Variants in COL18A1 observed in about 807,000 individuals in gnomAD.
COL18A1 encodes the protein collagen alpha-1(XVIII) chain.
Under a neutral mutation model 168.0 loss-of-function variants are expected in COL18A1, and 133 were observed. That is an observed-to-expected ratio of 0.79 (90% CI 0.69 to 0.91). The LOEUF (loss-of-function observed/expected upper bound fraction) is 0.91, where lower values mean the gene tolerates loss of function less well. Ranked by LOEUF, COL18A1 falls within the 40% of genes least tolerant of loss-of-function variation. The pLI is 0.00. For synonymous variants in COL18A1, 949 were observed against 809.0 expected (o/e 1.17, Z -2.94); for missense variants, 2,126 against 1,925.4 (o/e 1.10, Z -1.95).
intron 15 of COL18A1, among the ~76,000 whole-genome samples, chr21:45,485,709 G>A (rs1387531473): frequency 6.6e-6 from 1 of 152,214 alleles, no homozygotes; most frequent in Non-Finnish European, 1.5e-5. Flanking sequence ...ACAGGAGGCA[G>A]TCGAGGATCA....
intron 15 of COL18A1, among the ~76,000 whole-genome samples, chr21:45,486,045 G>A (rs559358555): frequency 1.3e-5 from 2 of 152,324 alleles, no homozygotes; most frequent in Admixed American, 6.5e-5. Flanking sequence ...CCTGCCTCAG[G>A]GCCTCCCTCC....
rs932121225 is a variant in COL18A1 at position 45,473,289 on chromosome 21, G to A, written c.652-606G>A. 2.0e-5 allele frequency among the ~76,000 whole-genome samples: 3 copies of A among 152,258 alleles called. No homozygotes were observed. Among genetic ancestry groups the A allele is most frequent in the African/African-American group, 7.2e-5 (3 of 41,478 alleles). ...TGGCACTCAGCCCAGGACTGAAGAT[G>A]CCAGAGGGAGCGGTGGGTAGGTGGG... On this transcript the variant is annotated intron_variant, in intron 3 of 41. Transcript: ENST00000651438. This position sits in a 1 kb window ranked among gnomAD's most constrained non-coding sequence, Gnocchi z 4.0.
At chr21:45,430,224 C>T (rs2033919593) in intron 2 of COL18A1, among the ~76,000 whole-genome samples, 2 of 149,292 alleles carry the variant, frequency 1.3e-5, no homozygotes, top group Admixed American at 6.8e-5. Flanking sequence ...CTCGCCCTCT[C>T]CTGTATGTGA....
intron 29 of COL18A1, chr21:45,496,109 T>TGCCCTCCAA (rs1169790347): frequency 1.3e-5 from 5 of 387,712 alleles, no homozygotes; most frequent in Admixed American, 7.1e-5. Context: ...ATGCCCTCCA[T>TGCCCTCCAA]GCCCTCCAAG....
intron 37 of COL18A1, chr21:45,507,084 G>A (rs1235645828): frequency 1.4e-5 from 5 of 352,240 alleles, no homozygotes; most frequent in East Asian, 5.9e-5. Flanking sequence ...GTGCTGGGCA[G>A]GGAGGGCAAC....
chr21:45,481,027 G>T (rs1383195209), intron 13 of COL18A1, among the ~76,000 whole-genome samples, 169 bp downstream of exon 13: 1 of 152,224 alleles, frequency 6.6e-6, no homozygotes, highest in East Asian at 1.9e-4. Flanking sequence ...CCACCCTGGG[G>T]TGTGCGGAAG....
intron 2 of COL18A1, among the ~76,000 whole-genome samples, chr21:45,416,913 C>G (rs1035932596): frequency 5.3e-5 from 8 of 152,168 alleles, no homozygotes; most frequent in Non-Finnish European, 1.0e-4. Flanking sequence ...TGGTCTTGCT[C>G]TCGAGAGAGT....
chr21:45,491,166 CTG>C, intron 21 of COL18A1, 57 bp from the exon 22 acceptor site: 1 of 1,450,756 alleles, frequency 6.9e-7, no homozygotes, highest in African/African-American at 1.4e-5. Flanking sequence ...TGGGTGGACT[CTG>C]GGGTCCTGGC....
rs149009425 is a variant in COL18A1 at position 45,421,909 on chromosome 21, G to A, written c.106+16436G>A. On this transcript the variant is annotated intron_variant, in intron 2 of 41. Coordinates refer to ENST00000651438, the MANE Select transcript of COL18A1 (RefSeq NM_001379500.1). ...TGACTGTGACCTGTGTCATATGTGC[G>A]GCCTCTCAGCTTGCAACCCTCCATT... Among the ~76,000 whole-genome samples the A allele has an allele frequency of 1.6e-4, 25 of 152,204 alleles. No homozygotes were observed. In the East Asian group the frequency reaches 4.1e-3, roughly 25 times the overall value.
chr21:45,444,596 G>A (rs1431351462), intron 2 of COL18A1, among the ~76,000 whole-genome samples: 1 of 152,148 alleles, frequency 6.6e-6, no homozygotes, highest in Non-Finnish European at 1.5e-5. Flanking sequence ...AGCACCGGGG[G>A]CCAGCACGAG....
intron 2 of COL18A1, among the ~76,000 whole-genome samples, chr21:45,416,746 C>T (rs2033459532): frequency 6.6e-6 from 1 of 152,186 alleles, no homozygotes; most frequent in Non-Finnish European, 1.5e-5. Flanking sequence ...GGTGCAGCCT[C>T]TACTCTCCCA....
At position 45,480,148 on chromosome 21, in the gene COL18A1, G is replaced by T; in HGVS notation, c.1390G>T (p.Asp464Tyr). 6.4e-7 allele frequency: 1 copy of T among 1,573,780 alleles called. No homozygotes were observed. Among genetic ancestry groups the T allele is most frequent in the Non-Finnish European group, 8.7e-7 (1 of 1,144,940 alleles). The change falls in exon 11 of 42, where the codon GAC becomes TAC. Residue 464 changes from aspartate to tyrosine, a missense_variant. Coordinates refer to ENST00000651438, the MANE Select transcript of COL18A1 (RefSeq NM_001379500.1). ...PGPPGPSFRH[D>Y]KLTFIDMEGS... is the part of the protein sequence containing the mutation. Reference sequence around the variant, plus strand: ...GCCCCCAGGACCCTCCTTCAGACACGACAAGCTGGTAAGTCCCGCCCTTGG... The same window carrying T: ...GCCCCCAGGACCCTCCTTCAGACACTACAAGCTGGTAAGTCCCGCCCTTGG...
chr21:45,491,001 A>G lies in COL18A1; in HGVS notation c.2067+130A>G, dbSNP rs2036321980. 3.1e-6 allele frequency: 3 copies of G among 966,074 alleles called. No homozygotes were observed. The East Asian group carries it at 7.9e-5, about 25-fold the overall frequency. 59.8% of individuals were successfully genotyped at this position (966,074 alleles called of 1,614,324 possible). A position where few individuals can be genotyped will look rare whatever the true frequency, so the allele number is the denominator to read the frequency against. On this transcript the variant is annotated intron_variant, in intron 21 of 41. Transcript: ENST00000651438. ...TCAGAGACTCAGGGCAAAGACCCTC[A>G]AGTTGACAGGGGTGGCTTTCAGGCT... is the stretch of plus-strand genomic sequence containing the variant.
chr21:45,482,709 C>T (rs1227475743), intron 14 of COL18A1, 86 bp from the exon 15 acceptor site: 7 of 1,604,352 alleles, frequency 4.4e-6, no homozygotes, highest in Non-Finnish European at 6.0e-6. Context: ...CGGGTCGGGG[C>T]ACAGTTCCTG....
In COL18A1 at chr21:45,478,367, T is replaced by G. The variant is rs761088476; in HGVS notation, c.1248+14T>G. The G allele has an allele frequency of 6.2e-7, 1 of 1,614,206 alleles. No individual in the cohort carries two copies. The highest frequency in any genetic ancestry group is 8.5e-7 in the Non-Finnish European group (1 of 1,180,034). ...GACGGAAAGCCGGTGAGTCTGCTTT[T>G]CTTTCTGACCCCTGTGTTATCTGTG... On this transcript the variant is annotated intron_variant, in intron 9 of 41. Coordinates refer to ENST00000651438, the MANE Select transcript of COL18A1 (RefSeq NM_001379500.1).
intron 38 of COL18A1, among the ~76,000 whole-genome samples, chr21:45,507,939 C>T (rs1420799448): frequency 2.0e-5 from 3 of 152,336 alleles, no homozygotes; most frequent in East Asian, 1.9e-4. Context: ...AAGTGCCAGA[C>T]ACAAGAATGG....
At chr21:45,427,857 C>G (rs145531985) in intron 2 of COL18A1, among the ~76,000 whole-genome samples, 2 of 152,160 alleles carry the variant, frequency 1.3e-5, no homozygotes, top group African/African-American at 4.8e-5. Context: ...CGGCAACTGG[C>G]GATGAGCTCA....
chr21:45,487,639 G>A (rs372580092), intron 17 of COL18A1, 130 bp downstream of exon 17: 309 of 1,204,316 alleles, frequency 2.6e-4, no homozygotes, highest in South Asian at 3.7e-4. Context: ...TGAGGACCAC[G>A]TGTGGCGGGC....
At chr21:45,411,311 T>TTC (rs1569273349) in intron 2 of COL18A1, among the ~76,000 whole-genome samples, 1 of 152,156 alleles carries the variant, frequency 6.6e-6, no homozygotes, top group East Asian at 1.9e-4. Context: ...GATTGGGGGC[T>TTC]GGCATTAGTG....
Sources: gnomAD v4.1 joint callset for allele counts (sites outside exome capture counted in the v4.1 genomes callset) on GRCh38, gnomAD v4.1.1 for gene constraint, Gnocchi (gnomAD v3.1) non-coding constraint, MANE v1.5 for transcripts, NCBI Gene and HGNC (gene_info 2026-07-23, HGNC 2026-07-21) for gene names.